NDUFS1: variants seen among roughly 807,000 people sequenced by gnomAD.
NDUFS1 encodes NADH-ubiquinone oxidoreductase 75 kDa subunit, mitochondrial.
Under a neutral mutation model 84.4 loss-of-function variants are expected in NDUFS1, and 61 were observed. The ratio of observed to expected loss-of-function variants is 0.72; its 90% CI spans 0.59 to 0.89. The LOEUF is 0.89. NDUFS1 is among the 40% of genes least tolerant of loss of function. The pLI, the probability that NDUFS1 is intolerant of heterozygous loss-of-function variation, is 0.00. For missense variants in NDUFS1, 891 were observed against 890.0 expected (o/e 1.00, Z -0.01); for synonymous variants, 275 against 290.0 (o/e 0.95, Z 0.53).
chr2:206,155,790 G>A (rs1576002862), intron 1 of NDUFS1, among the ~76,000 whole-genome samples: 2 of 150,978 alleles, frequency 1.3e-5, no homozygotes, highest in Admixed American at 1.3e-4. Flanking sequence ...CGGACCTCAG[G>A]TGATCCACCT....
At chr2:206,153,196 C>CTTTTTTTTTTTTTT (rs770646674) in intron 2 of NDUFS1, among the ~76,000 whole-genome samples, 1 of 138,010 alleles carries the variant, frequency 7.2e-6, no homozygotes. Flanking sequence ...TTTGTTTCTT[C>CTTTTTTTTTTTTTT]TTTTTTTTTT....
At chr2:206,139,929 T>C (rs1691871896) in intron 12 of NDUFS1, among the ~76,000 whole-genome samples, 1 of 146,186 alleles carries the variant, frequency 6.8e-6, no homozygotes, top group Non-Finnish European at 1.5e-5. Flanking sequence ...AAACTAATTG[T>C]AATGTATGAC....
At position 206,149,014 on chromosome 2, in the gene NDUFS1, A is replaced by G; in HGVS notation, c.338+6T>C. 6.3e-7 allele frequency: 1 copy of G among 1,596,170 alleles called. No homozygotes were observed. The highest frequency in any genetic ancestry group is 8.6e-7 in the Non-Finnish European group (1 of 1,164,018). On this transcript the variant is annotated splice_donor_region_variant and intron_variant, in intron 5 of 18. Transcript: ENST00000233190. The stretch of plus-strand genomic sequence containing the variant: ...AAGGGTACTACATTGAATAACAATA[A>G]AGTACCTGGCTTTTTTGGATTTTTC...
intron 10 of NDUFS1, among the ~76,000 whole-genome samples, chr2:206,143,673 A>C (rs1230086651): frequency 6.6e-6 from 1 of 151,992 alleles, no homozygotes; most frequent in Non-Finnish European, 1.5e-5. Context: ...CCTCCAAGGA[A>C]GGCATCTTGA....
At chr2:206,148,614 C>G (rs554479394) in intron 5 of NDUFS1, among the ~76,000 whole-genome samples, 42 of 152,112 alleles carry the variant, frequency 2.8e-4, no homozygotes, top group African/African-American at 9.9e-4. Flanking sequence ...CATAGTGAGA[C>G]CTCGTTTCAA....
At chr2:206,124,887 A>G (rs1295992573) in intron 18 of NDUFS1, among the ~76,000 whole-genome samples, 1 of 152,116 alleles carries the variant, frequency 6.6e-6, no homozygotes, top group Non-Finnish European at 1.5e-5. Flanking sequence ...GTACAATACT[A>G]TTATTGAAAA....
At chr2:206,155,898 A>C (rs1342340030) in intron 1 of NDUFS1, among the ~76,000 whole-genome samples, 2 of 149,546 alleles carry the variant, frequency 1.3e-5, no homozygotes, top group Admixed American at 1.3e-4. Context: ...TTTTTTTCCT[A>C]CTCACTTGAT....
chr2:206,142,416 T>C (rs1691998791), intron 11 of NDUFS1, among the ~76,000 whole-genome samples: 2 of 152,228 alleles, frequency 1.3e-5, no homozygotes, highest in Admixed American at 1.3e-4. Context: ...GGTTTCGCCA[T>C]GTTGGCCAGG....
In NDUFS1 at chr2:206,117,329, T is replaced by C. The variant is rs970969852; in HGVS notation, c.*6856A>G. 2.6e-5 allele frequency: 4 copies of C among 152,282 alleles called. No homozygotes were observed. In the East Asian group the frequency reaches 5.8e-4, roughly 22 times the overall value. The allele number at this position is 152,282 out of a possible 1,614,324, so 9.4% of individuals were successfully genotyped here. A position where few individuals can be genotyped will look rare whatever the true frequency, so the allele number is the denominator to read the frequency against. Reference sequence around the variant, plus strand: ...GTCATTACTATAATTGATGCCTACATATCTCTTTTAGTATACTGTTAGCTT... The same window carrying C: ...GTCATTACTATAATTGATGCCTACACATCTCTTTTAGTATACTGTTAGCTT... On this transcript the variant is annotated 3_prime_UTR_variant, in exon 19 of 19. Coordinates refer to ENST00000233190, the MANE Select transcript of NDUFS1 (RefSeq NM_005006.7).
At chr2:206,147,866 C>A in intron 5 of NDUFS1, 32 bp from the exon 6 acceptor site, 1 of 1,556,952 alleles carries the variant, frequency 6.4e-7, no homozygotes, top group African/African-American at 1.4e-5. Context: ...TAAAATGACT[C>A]TCAAATACAC....
rs1239352130 is a variant in NDUFS1 at position 206,121,759 on chromosome 2, G to C, written c.*2426C>G. ...GAGCCACCGCGCCCGGTCCAGACAA[G>C]GTATTTTTTAGAGATTATGATTGTT... is the stretch of plus-strand genomic sequence containing the variant. On this transcript the variant is annotated 3_prime_UTR_variant, in exon 19 of 19. Transcript: ENST00000233190. The C allele has an allele frequency of 6.6e-6, 1 of 151,668 alleles. No homozygotes were observed. The highest frequency in any genetic ancestry group is 1.5e-5 in the Non-Finnish European group (1 of 67,894). 9.4% of individuals were successfully genotyped at this position (151,668 alleles called of 1,614,324 possible). A position where few individuals can be genotyped will look rare whatever the true frequency, so the allele number is the denominator to read the frequency against.
Position 206,124,205 on chromosome 2 carries a change from C to T in NDUFS1, c.2164G>A (p.Glu722Lys). The T allele has an allele frequency of 1.2e-6, 2 of 1,612,220 alleles. No homozygotes were observed. Among genetic ancestry groups the T allele is most frequent in the South Asian group, 1.1e-5 (1 of 91,052 alleles). The change falls in exon 19 of 19, where the codon GAG becomes AAG. Residue 722 changes from glutamate (E) to lysine (K), a missense_variant. Transcript: ENST00000233190. ...AAGCTTCAGCATATGGATGGTTCCT[C>T]TACTGCCTGGGCACCCTCTGTGACA... is the stretch of plus-strand genomic sequence containing the variant. ...KAVTEGAQAV[E>K]EPSIC
chr2:206,150,808 C>T (rs1287310038), intron 3 of NDUFS1, among the ~76,000 whole-genome samples: 1 of 152,122 alleles, frequency 6.6e-6, no homozygotes, highest in Non-Finnish European at 1.5e-5. Flanking sequence ...CTATACACTC[C>T]AAAATAACCT....
At chr2:206,132,863 AAATTT>A in intron 14 of NDUFS1, 77 bp downstream of exon 14, 2 of 1,266,878 alleles carry the variant, frequency 1.6e-6, no homozygotes, top group African/African-American at 1.5e-5. Context: ...TTTGTAAATT[AAATTT>A]AACAGTGTAT....
rs1690944613 is a variant in NDUFS1, at chr2:206,116,434, C to A, written c.*7751G>T. On this transcript the variant is annotated 3_prime_UTR_variant, in exon 19 of 19. Transcript: ENST00000233190. ...CAGGGCCTCGATAGGCAGGGCGCGG[C>A]AGGTGCCAGGACCACGTGCAGGCTG... is the stretch of plus-strand genomic sequence containing the variant. 2.3e-6 allele frequency: 2 copies of A among 865,622 alleles called. No individual in the cohort carries two copies. Among genetic ancestry groups the A allele is most frequent in the South Asian group, 1.4e-5 (1 of 70,744 alleles). The allele number at this position is 865,622 out of a possible 1,614,324, so 53.6% of individuals were successfully genotyped here. A position where few individuals can be genotyped will look rare whatever the true frequency, so the allele number is the denominator to read the frequency against.
chr2:206,133,912 G>A (rs543008158), intron 13 of NDUFS1, among the ~76,000 whole-genome samples: 9 of 152,334 alleles, frequency 5.9e-5, no homozygotes, highest in East Asian at 1.9e-4. Context: ...CCTGGGAGGC[G>A]GAGGTTGCAG....
At chr2:206,158,148 G>C (rs912840990) in intron 1 of NDUFS1, among the ~76,000 whole-genome samples, 17 of 151,956 alleles carry the variant, frequency 1.1e-4, no homozygotes, top group African/African-American at 4.1e-4. Context: ...ATTTTTAGTA[G>C]AGACAGGGTT....
In NDUFS1 at chr2:206,152,472, C is replaced by T. The variant is rs1559065188; in HGVS notation, c.100G>A (p.Val34Ile). ...TATAASNLIE[V>I]FVDGQSVMVE... ...ATGACAGACTGACCATCAACAAATA[C>T]TTCAATCAAGTTGCTTGCTGCTGTG... Residue 34 changes from valine to isoleucine, a missense_variant, in exon 3 of 19, where the codon GTA becomes ATA. By Grantham distance (29) the Val-to-Ile change is conservative. Transcript: ENST00000233190. 1 of 1,614,114 alleles carries T rather than the reference C, an allele frequency of 6.2e-7. No individual in the cohort carries two copies. Among genetic ancestry groups the T allele is most frequent in the Admixed American group, 1.7e-5 (1 of 60,014 alleles).
intron 1 of NDUFS1, among the ~76,000 whole-genome samples, chr2:206,157,225 A>C (rs576516111): frequency 6.6e-6 from 1 of 152,314 alleles, no homozygotes; most frequent in African/African-American, 2.4e-5. Flanking sequence ...TGTTGGGATT[A>C]CAGACGTGAG....
Sources: gnomAD v4.1 joint callset for allele counts (sites outside exome capture counted in the v4.1 genomes callset) on GRCh38, gnomAD v4.1.1 for gene constraint, MANE v1.5 for transcripts, NCBI Gene and HGNC (gene_info 2026-07-23, HGNC 2026-07-21) for gene names.